The following CSMD1 variants were observed in gnomAD, a reference collection of about 807,000 sequenced individuals.
CSMD1 encodes CUB and Sushi multiple domains 1, also known as CUB and sushi domain-containing protein 1.
Under a neutral mutation model 417.5 loss-of-function variants are expected in CSMD1, and 213 were observed. The observed-to-expected ratio is 0.51, with a 90% CI of 0.46 to 0.57. The LOEUF (loss-of-function observed/expected upper bound fraction) is 0.57. Among genes scored for constraint, CSMD1 ranks in the 20% least tolerant of loss-of-function variants. The probability of loss-of-function intolerance (pLI) is 0.00; values close to 1 mark genes in which losing one functional copy is unlikely to be tolerated. For synonymous variants in CSMD1, 2,862 were observed against 1,736.8 expected (o/e 1.65, Z -16.11); for missense variants, 6,923 against 4,529.7 (o/e 1.53, Z -15.17).
At chr8:3,212,161 G>C (rs1025278084) in intron 30 of CSMD1, among the ~76,000 whole-genome samples, 3 of 152,170 alleles carry the variant, frequency 2.0e-5, no homozygotes, top group Non-Finnish European at 4.4e-5. Flanking sequence ...TGAGCACGCT[G>C]AGTTCTATTT....
At chr8:3,687,975 T>C (rs1028503645) in intron 7 of CSMD1, among the ~76,000 whole-genome samples, 2 of 152,220 alleles carry the variant, frequency 1.3e-5, no homozygotes, top group Admixed American at 1.3e-4. Flanking sequence ...TCATATTTGC[T>C]TATCTGAATT....
chr8:3,883,712 T>C (rs1806365439), intron 5 of CSMD1, among the ~76,000 whole-genome samples: 1 of 152,168 alleles, frequency 6.6e-6, no homozygotes, highest in African/African-American at 2.4e-5. Flanking sequence ...ATGGTTATGA[T>C]TTATGGCTTG....
Position 3,308,328 on chromosome 8 carries a change from T to C in CSMD1, c.3807A>G (p.Pro1269=), listed in dbSNP as rs190152290. ...CACACTCACCTATGCACGAAGGTAG[T>C]GGTTTGTCCCACACTCTCCTGTCTC... ...LSGDRRVWDK[P]LPSCIAECGG... The change falls in exon 24 of 70, where the codon CCA becomes CCG. Residue 1269 remains proline (P), a synonymous_variant. Coordinates refer to ENST00000635120, the MANE Select transcript of CSMD1 (RefSeq NM_033225.6). The C allele has an allele frequency of 9.6e-5, 154 of 1,610,614 alleles. No homozygotes were observed. The African/African-American group carries it at 1.8e-3, about 19-fold the overall frequency.
chr8:3,722,311 T>C (rs1414315517), intron 6 of CSMD1, among the ~76,000 whole-genome samples: 1 of 152,022 alleles, frequency 6.6e-6, no homozygotes, highest in Non-Finnish European at 1.5e-5. Flanking sequence ...CCATCTCAAA[T>C]AAATAAATAA....
intron 25 of CSMD1, among the ~76,000 whole-genome samples, chr8:3,301,003 GTA>G (rs1804358060): frequency 6.7e-6 from 1 of 148,898 alleles, no homozygotes; most frequent in Non-Finnish European, 1.5e-5. Context: ...ATTAGAAATG[GTA>G]TAAACAAGCA....
chr8:3,935,653 A>C (rs1386014338), intron 5 of CSMD1, among the ~76,000 whole-genome samples: 1 of 152,086 alleles, frequency 6.6e-6, no homozygotes, highest in Non-Finnish European at 1.5e-5. Context: ...TAAGTGGTAA[A>C]ATTAGTCAAT....
At chr8:3,676,714 A>T (rs1207600509) in intron 7 of CSMD1, among the ~76,000 whole-genome samples, 1 of 152,178 alleles carries the variant, frequency 6.6e-6, no homozygotes, top group Non-Finnish European at 1.5e-5. Context: ...TATCAAACTC[A>T]GTGTGATCAT....
intron 52 of CSMD1, among the ~76,000 whole-genome samples, chr8:3,007,047 A>G: frequency 6.8e-6 from 1 of 146,354 alleles, no homozygotes; most frequent in African/African-American, 2.7e-5. Context: ...TAATATCCAG[A>G]ATCTACAATG....
chr8:4,004,042 G>C (rs888720142), intron 4 of CSMD1, among the ~76,000 whole-genome samples: 1 of 151,928 alleles, frequency 6.6e-6, no homozygotes, highest in Admixed American at 6.6e-5. Context: ...ATACTCTATA[G>C]TAAAACAGAA....
At chr8:4,850,286 C>T (rs117565640) in intron 1 of CSMD1, among the ~76,000 whole-genome samples, 88 of 152,014 alleles carry the variant, frequency 5.8e-4, no homozygotes, top group Admixed American at 1.3e-3. Flanking sequence ...ATACACAATC[C>T]CCAAACATTT....
chr8:3,877,938 C>G (rs113780178), intron 5 of CSMD1, among the ~76,000 whole-genome samples: 7 of 151,668 alleles, frequency 4.6e-5, no homozygotes, highest in African/African-American at 1.4e-4. Flanking sequence ...TGACCTAAAG[C>G]TTTGTCTACA....
At chr8:3,005,610 G>A (rs187479467) in intron 52 of CSMD1, among the ~76,000 whole-genome samples, 3 of 152,294 alleles carry the variant, frequency 2.0e-5, no homozygotes, top group Admixed American at 1.3e-4. Context: ...ATGCAAGGCT[G>A]GTTCAATTAC....
At chr8:4,127,453 GAAAAAAAA>G (rs199764792) in intron 3 of CSMD1, among the ~76,000 whole-genome samples, 8 of 102,722 alleles carry the variant, frequency 7.8e-5, no homozygotes, top group African/African-American at 1.1e-4. Context: ...AAGCATTAAT[GAAAAAAAA>G]AAAAAAAAAA....
intron 1 of CSMD1, among the ~76,000 whole-genome samples, chr8:4,893,694 T>C (rs1307821528): frequency 6.6e-6 from 1 of 152,162 alleles, no homozygotes. Flanking sequence ...ACCTGTACCA[T>C]AGTCTAAACT....
intron 1 of CSMD1, among the ~76,000 whole-genome samples, chr8:4,774,665 T>G (rs1015576962): frequency 6.6e-5 from 10 of 152,138 alleles, no homozygotes; most frequent in Admixed American, 5.9e-4. Flanking sequence ...CCTCTAATGT[T>G]GGAGATGGCA....
chr8:3,652,762 G>C (rs1009774083), intron 7 of CSMD1, among the ~76,000 whole-genome samples: 1 of 152,180 alleles, frequency 6.6e-6, no homozygotes, highest in Non-Finnish European at 1.5e-5. Context: ...TTCAAGGTGA[G>C]ATTTGGCTGG....
At chr8:4,412,268 C>G (rs1198916871) in intron 3 of CSMD1, among the ~76,000 whole-genome samples, 2 of 152,096 alleles carry the variant, frequency 1.3e-5, no homozygotes, top group East Asian at 1.9e-4. Context: ...GGGCAGATTT[C>G]TCATGAATAG....
intron 57 of CSMD1, among the ~76,000 whole-genome samples, chr8:2,970,042 T>C (rs976885801): frequency 6.6e-6 from 1 of 152,148 alleles, no homozygotes; most frequent in African/African-American, 2.4e-5. Flanking sequence ...AAGTTTCTAA[T>C]TTTTTTTCAT....
At chr8:3,969,058 C>G (rs1169509126) in intron 5 of CSMD1, among the ~76,000 whole-genome samples, 1 of 152,128 alleles carries the variant, frequency 6.6e-6, no homozygotes, top group African/African-American at 2.4e-5. Context: ...CGAGACCAGC[C>G]TGGACAACAT....
Sources: allele counts gnomAD v4.1 joint callset (sites outside exome capture counted in the v4.1 genomes callset), GRCh38; gene constraint gnomAD v4.1.1; transcripts MANE v1.5; gene names NCBI Gene and HGNC (gene_info 2026-07-23, HGNC 2026-07-21).